Variants in DDX5 observed in about 807,000 individuals in gnomAD.
The protein encoded by DDX5 is probable ATP-dependent RNA helicase DDX5.
DDX5 carries 6 observed loss-of-function variants against 68.6 expected under a neutral mutation model. That is an observed-to-expected ratio of 0.09 (90% CI 0.05 to 0.17). DDX5 has a LOEUF of 0.17. DDX5 is among the 10% of genes least tolerant of loss of function. The probability of loss-of-function intolerance (pLI) is 1.00; values close to 1 mark genes in which losing one functional copy is unlikely to be tolerated. For synonymous variants in DDX5, 350 were observed against 247.0 expected (o/e 1.42, Z -3.91); for missense variants, 499 against 756.1 (o/e 0.66, Z 3.99).
intron 11 of DDX5, chr17:64,501,713 TCCCTCGGAGA>T: frequency 2.3e-6 from 1 of 438,656 alleles, no homozygotes; most frequent in Non-Finnish European, 4.1e-6. Context: ...TTCCATTTTT[TCCCTCGGAGA>T]GAACAGTTTA....
Position 64,502,079 on chromosome 17 carries a change from A to G in DDX5, c.1157-10T>C. ...TTTCCATGTTTGAATTCTACAAAGG[A>G]AGGCATATACATGATCAATTATCTG... On this transcript the variant is annotated splice_polypyrimidine_tract_variant and intron_variant, in intron 10 of 12. Transcript: ENST00000225792. 1 of 1,614,166 alleles carries G rather than the reference A, an allele frequency of 6.2e-7. No homozygotes were observed. The highest frequency in any genetic ancestry group is 8.5e-7 in the Non-Finnish European group (1 of 1,179,994).
upstream of DDX5, chr17:64,506,415 T>C (rs1326794177): frequency 7.2e-7 from 1 of 1,382,078 alleles, no homozygotes; most frequent in Non-Finnish European, 9.4e-7. Context: ...CCCGCTGGCG[T>C]TCCAGGATCG....
At chr17:64,506,423 T>C (rs1017207592), upstream of DDX5, 1 of 1,373,722 alleles carries the variant, frequency 7.3e-7, no homozygotes, top group Non-Finnish European at 9.4e-7. Flanking sequence ...CGTTCCAGGA[T>C]CGCCGCGCTT....
chr17:64,502,387 C>T, intron 9 of DDX5, 52 bp downstream of exon 9: 1 of 1,495,082 alleles, frequency 6.7e-7, no homozygotes, highest in Middle Eastern at 1.7e-4. Context: ...CAAGTTTGCC[C>T]TTTCCTAAGC....
intron 1 of DDX5, 100 bp from the exon 2 acceptor site, chr17:64,504,942 C>CA: frequency 5.0e-6 from 6 of 1,192,004 alleles, no homozygotes; most frequent in Non-Finnish European, 7.0e-6. Flanking sequence ...CCACTGAAAA[C>CA]AGACTTCGAG....
chr17:64,502,391 C>A (rs1407267850), intron 9 of DDX5, 48 bp downstream of exon 9: 1 of 1,504,286 alleles, frequency 6.6e-7, no homozygotes. Context: ...TTTGCCCTTT[C>A]CTAAGCTGTT....
intron 5 of DDX5, 25 bp from the exon 6 acceptor site, chr17:64,503,596 G>A (rs373656977): frequency 2.0e-5 from 32 of 1,612,144 alleles, no homozygotes; most frequent in Middle Eastern, 1.6e-4. Flanking sequence ...ACAGCTTTCA[G>A]CACAAACCTG....
At chr17:64,502,585 T>C in intron 8 of DDX5, 36 bp from the exon 9 acceptor site, 1 of 1,469,310 alleles carries the variant, frequency 6.8e-7, no homozygotes, top group Non-Finnish European at 9.5e-7. Context: ...AATCCTGAGT[T>C]TTAAAAGACC....
chr17:64,506,531 A>C, upstream of DDX5: 1 of 618,298 alleles, frequency 1.6e-6, no homozygotes, highest in South Asian at 2.3e-5. Context: ...TGGTCTTTCC[A>C]CACCTCAAGC....
Position 64,499,888 on chromosome 17 carries a change from A to G in DDX5, c.*35T>C. 6.6e-7 allele frequency: 1 copy of G among 1,518,112 alleles called. No homozygotes were observed. The highest frequency in any genetic ancestry group is 1.4e-5 in the African/African-American group (1 of 72,294). 94.0% of individuals were successfully genotyped at this position (1,518,112 alleles called of 1,614,324 possible). On this transcript the variant is annotated 3_prime_UTR_variant, in exon 13 of 13. Transcript: ENST00000225792. ...ATAACACACAATATAAAGAGCAATTATGAAAAACAGACATTTACATATACT... is the reference window on the plus strand; with the variant it reads ...ATAACACACAATATAAAGAGCAATTGTGAAAAACAGACATTTACATATACT...
intron 6 of DDX5, 22 bp downstream of exon 6, chr17:64,503,408 T>A (rs1568103736): frequency 6.2e-7 from 1 of 1,613,856 alleles, no homozygotes; most frequent in South Asian, 1.1e-5. Context: ...CAATGACAAA[T>A]AAAACCCTTT....
Position 64,504,926 on chromosome 17 carries a change from T to C in DDX5, c.45-84A>G. ...AGATTTGTCATCCATTGGCACAAGC[T>C]AAAAACCACTGAAAACAGACTTCGA... On this transcript the variant is annotated intron_variant, in intron 1 of 12. Transcript: ENST00000225792. The C allele has an allele frequency of 1.5e-6, 2 of 1,357,242 alleles. 1 individual carries two copies. Among genetic ancestry groups the C allele is most frequent in the Non-Finnish European group, 2.0e-6 (2 of 1,000,694 alleles). The allele number at this position is 1,357,242 out of a possible 1,614,324, so 84.1% of individuals were successfully genotyped here. A position where few individuals can be genotyped will look rare whatever the true frequency, so the allele number is the denominator to read the frequency against.
rs781865534 is a variant in DDX5 at position 64,504,862 on chromosome 17, T to C, written c.45-20A>G. On this transcript the variant is annotated intron_variant, in intron 1 of 12. Transcript: ENST00000225792. ...CCAAACCTGGAATGAAAAAAAACGT[T>C]ATTCACATTTTCAAATGGCTATACC... 1.1e-5 allele frequency: 18 copies of C among 1,588,160 alleles called. No individual in the cohort carries two copies. The highest frequency in any genetic ancestry group is 1.4e-5 in the Non-Finnish European group (16 of 1,172,180).
rs1022391027 is a variant in DDX5, at chr17:64,506,193, G to A, written c.-74C>T. ...GCGACAAGTCGCTGGAAATGGCCTC[G>A]ATGACGGCGAAGCCTTGCGGGGGCG... On this transcript the variant is annotated 5_prime_UTR_variant, in exon 1 of 13. Transcript: ENST00000225792. 9 of 1,576,266 alleles carry A rather than the reference G, an allele frequency of 5.7e-6. No homozygotes were observed. Among genetic ancestry groups the A allele is most frequent in the Admixed American group, 1.9e-5 (1 of 53,570 alleles).
At chr17:64,505,787 C>T (rs1485566704) in intron 1 of DDX5, 4 of 1,536,066 alleles carry the variant, frequency 2.6e-6, no homozygotes, top group Non-Finnish European at 3.5e-6. Context: ...GTCCCGCTTT[C>T]ATCCGCACAA....
chr17:64,505,061 G>A (rs894739820), intron 1 of DDX5: 13 of 425,830 alleles, frequency 3.1e-5, no homozygotes, highest in Middle Eastern at 6.0e-4. Context: ...TAAACAGCCT[G>A]GGATTTATCA....
intron 12 of DDX5, 71 bp downstream of exon 12, chr17:64,500,478 T>G (rs2038270883): frequency 6.5e-7 from 1 of 1,540,718 alleles, no homozygotes; most frequent in African/African-American, 1.4e-5. Context: ...CACCCTCCAA[T>G]ACCATTTAAA....
chr17:64,506,729 G>C, upstream of DDX5: 1 of 431,424 alleles, frequency 2.3e-6, no homozygotes, highest in Non-Finnish European at 4.2e-6. Flanking sequence ...GACGTCGGCG[G>C]AGGGATACAA....
chr17:64,506,750 C>G (rs186349548), upstream of DDX5: 43 of 479,422 alleles, frequency 9.0e-5, no homozygotes, highest in Middle Eastern at 1.1e-3. Flanking sequence ...AACGAAATAG[C>G]TCACCGGAAG....
Sources: allele counts gnomAD v4.1 joint callset, GRCh38; gene constraint gnomAD v4.1.1; transcripts MANE v1.5; gene names NCBI Gene and HGNC (gene_info 2026-07-23, HGNC 2026-07-21).